Variants in SORCS2 observed in about 807,000 individuals in gnomAD.
SORCS2 encodes the protein VPS10 domain-containing receptor SorCS2.
A neutral mutation model predicts 141.6 loss-of-function variants in SORCS2; 100 were observed. The observed-to-expected ratio is 0.71, with a 90% CI of 0.60 to 0.83. SORCS2 has a LOEUF of 0.83. SORCS2 is among the 40% of genes least tolerant of loss of function. The pLI is 0.00. For missense variants in SORCS2, 1,646 were observed against 1,560.2 expected (o/e 1.05, Z -0.93); for synonymous variants, 789 against 676.9 (o/e 1.17, Z -2.57).
chr4:7,382,099 T>G, intron 1 of SORCS2: 1 of 534,612 alleles, frequency 1.9e-6, no homozygotes, highest in Non-Finnish European at 2.4e-6. Context: ...AGAAGGACCT[T>G]GAAGGGTGGG....
At chr4:7,536,737 A>G (rs1367197834) in intron 3 of SORCS2, among the ~76,000 whole-genome samples, 2 of 151,586 alleles carry the variant, frequency 1.3e-5, no homozygotes, top group African/African-American at 2.4e-5. Flanking sequence ...AAACTTATCT[A>G]CTTGGAGTTT....
intron 9 of SORCS2, among the ~76,000 whole-genome samples, chr4:7,678,979 T>A (rs1258015331): frequency 6.6e-6 from 1 of 152,206 alleles, no homozygotes; most frequent in Non-Finnish European, 1.5e-5. Flanking sequence ...GAGCAGCGCC[T>A]GTTTCCAAGT....
chr4:7,204,650 A>C (rs1396605078), intron 1 of SORCS2, among the ~76,000 whole-genome samples: 1 of 148,962 alleles, frequency 6.7e-6, no homozygotes, highest in Non-Finnish European at 1.5e-5. Flanking sequence ...GAGGAGAAAC[A>C]TGTGTGGCAT....
At chr4:7,390,325 G>GGCT (rs1423065339) in intron 1 of SORCS2, among the ~76,000 whole-genome samples, 1 of 152,328 alleles carries the variant, frequency 6.6e-6, no homozygotes, top group East Asian at 1.9e-4. Flanking sequence ...CCATGTGTCA[G>GGCT]GCTGCTTCAC....
intron 2 of SORCS2, among the ~76,000 whole-genome samples, chr4:7,441,139 G>A (rs1727637001): frequency 1.3e-5 from 2 of 152,196 alleles, no homozygotes; most frequent in South Asian, 4.1e-4. Flanking sequence ...GCCCCAGTGT[G>A]GGCACGAGCT....
chr4:7,622,098 G>C (rs2108830869), intron 3 of SORCS2, among the ~76,000 whole-genome samples: 1 of 152,244 alleles, frequency 6.6e-6, no homozygotes, highest in South Asian at 2.1e-4. Context: ...AATTGCCACA[G>C]AGTAGCCACA....
At chr4:7,300,261 G>A (rs1222332391) in intron 1 of SORCS2, among the ~76,000 whole-genome samples, 2 of 152,150 alleles carry the variant, frequency 1.3e-5, no homozygotes, top group Non-Finnish European at 2.9e-5. Context: ...AGGGAGGAGT[G>A]AGGGTCTAAT....
intron 1 of SORCS2, among the ~76,000 whole-genome samples, chr4:7,199,253 G>A (rs1727352368): frequency 6.6e-6 from 1 of 152,202 alleles, no homozygotes; most frequent in East Asian, 1.9e-4. Context: ...AAGCGGGGTG[G>A]GGGCAGAGAG....
chr4:7,570,467 C>T (rs1373736812), intron 3 of SORCS2, among the ~76,000 whole-genome samples: 1 of 152,230 alleles, frequency 6.6e-6, no homozygotes, highest in African/African-American at 2.4e-5. Flanking sequence ...CTGGAGGCGC[C>T]CCCAGCAGCT....
intron 3 of SORCS2, among the ~76,000 whole-genome samples, chr4:7,569,782 G>T (rs1302603040): frequency 1.3e-5 from 2 of 152,184 alleles, no homozygotes; most frequent in Non-Finnish European, 2.9e-5. Context: ...CACGTCTGAT[G>T]AATGCAGTGA....
intron 3 of SORCS2, among the ~76,000 whole-genome samples, chr4:7,556,776 CT>C (rs1714147855): frequency 3.3e-5 from 5 of 151,108 alleles, no homozygotes; most frequent in Admixed American, 3.3e-4. Context: ...CACCCACCAC[CT>C]ACCCACCCAC....
intron 1 of SORCS2, among the ~76,000 whole-genome samples, chr4:7,301,010 T>C (rs1717393353): frequency 6.6e-6 from 1 of 152,112 alleles, no homozygotes; most frequent in Non-Finnish European, 1.5e-5. Context: ...GTCTGTGAGG[T>C]GCTCAGTCTA....
chr4:7,691,749 A>G lies in SORCS2; in HGVS notation c.1591+2161A>G, dbSNP rs527967347. Among the ~76,000 whole-genome samples, 17 of 152,152 alleles carry G rather than the reference A, an allele frequency of 1.1e-4. No homozygotes were observed. The East Asian group carries it at 2.9e-3, about 26-fold the overall frequency. ...TACACTTGGTTTCCCGGGCTCCTCA[A>G]TGACAGGGTATTTAAAATGCACTGT... On this transcript the variant is annotated intron_variant, in intron 11 of 26. Coordinates refer to ENST00000507866, the MANE Select transcript of SORCS2 (RefSeq NM_020777.3).
At chr4:7,639,680 TGA>T (rs1241757076) in intron 4 of SORCS2, among the ~76,000 whole-genome samples, 1 of 150,074 alleles carries the variant, frequency 6.7e-6, no homozygotes, top group African/African-American at 2.5e-5. Context: ...TGTGTGAGTG[TGA>T]GGGTGTGGGT....
chr4:7,211,324 G>C (rs933094266), intron 1 of SORCS2, among the ~76,000 whole-genome samples: 13 of 152,138 alleles, frequency 8.5e-5, no homozygotes, highest in African/African-American at 3.1e-4. Context: ...TCCACGACGG[G>C]GGGCAGGCCA....
chr4:7,536,378 T>C (rs1441989747), intron 3 of SORCS2, among the ~76,000 whole-genome samples: 1 of 152,208 alleles, frequency 6.6e-6, no homozygotes, highest in African/African-American at 2.4e-5. Context: ...TGGTTTTAAA[T>C]GCATTTAGAT....
intron 3 of SORCS2, among the ~76,000 whole-genome samples, chr4:7,632,839 G>A (rs1314412916): frequency 6.6e-6 from 1 of 152,216 alleles, no homozygotes; most frequent in South Asian, 2.1e-4. Context: ...CCACCAGGCT[G>A]TTAGCCTGTG....
At chr4:7,667,580 C>G (rs1166198102) in intron 8 of SORCS2, among the ~76,000 whole-genome samples, 1 of 152,196 alleles carries the variant, frequency 6.6e-6, no homozygotes, top group Admixed American at 6.5e-5. Context: ...CTTGCTGGTG[C>G]CCAGGGTGCC....
At chr4:7,198,563 T>C (rs1190006599) in intron 1 of SORCS2, among the ~76,000 whole-genome samples, 1 of 152,148 alleles carries the variant, frequency 6.6e-6, no homozygotes, top group Non-Finnish European at 1.5e-5. Context: ...CTGGTCGGCC[T>C]GTGAGTGCTG....
Sources: gnomAD v4.1 joint callset for allele counts (sites outside exome capture counted in the v4.1 genomes callset) on GRCh38, gnomAD v4.1.1 for gene constraint, MANE v1.5 for transcripts, NCBI Gene and HGNC (gene_info 2026-07-23, HGNC 2026-07-21) for gene names.